Variants in INPP4B observed in about 807,000 individuals in gnomAD.
INPP4B encodes inositol polyphosphate 4-phosphatase type II.
A neutral mutation model predicts 122.5 loss-of-function variants in INPP4B; 55 were observed. The ratio of observed to expected loss-of-function variants is 0.45; its 90% CI spans 0.36 to 0.56. INPP4B has a LOEUF of 0.56. Ranked by LOEUF, INPP4B falls within the 20% of genes least tolerant of loss-of-function variation. The probability of loss-of-function intolerance (pLI) is 0.00; values close to 1 mark genes in which losing one functional copy is unlikely to be tolerated. For missense variants in INPP4B, 1,000 were observed against 1,097.7 expected (o/e 0.91, Z 1.26); for synonymous variants, 403 against 388.7 (o/e 1.04, Z -0.43).
At chr4:142,788,518 C>G (rs1429891800) in intron 1 of INPP4B, among the ~76,000 whole-genome samples, 1 of 152,036 alleles carries the variant, frequency 6.6e-6, no homozygotes, top group Non-Finnish European at 1.5e-5. Context: ...TGTTTGGTTA[C>G]ATGAGTTAGT....
At chr4:142,235,897 A>T (rs1337833530) in intron 12 of INPP4B, among the ~76,000 whole-genome samples, 1 of 152,210 alleles carries the variant, frequency 6.6e-6, no homozygotes, top group Non-Finnish European at 1.5e-5. Flanking sequence ...TCAAAAATTC[A>T]TCTTTTCTTT....
intron 2 of INPP4B, among the ~76,000 whole-genome samples, chr4:142,559,385 TAATGAATCAAGATTCATTAAAA>T (rs565280045): frequency 6.6e-6 from 1 of 152,258 alleles, no homozygotes; most frequent in African/African-American, 2.4e-5. Flanking sequence ...ACCTTGTATT[TAATGAATCAAGATTCATTAAAA>T]AATGAAACTT....
At chr4:142,101,075 G>C (rs1784265272) in intron 23 of INPP4B, among the ~76,000 whole-genome samples, 1 of 152,116 alleles carries the variant, frequency 6.6e-6, no homozygotes, top group Admixed American at 6.6e-5. Context: ...GGGAATCCAG[G>C]CTCAAGATAA....
At chr4:142,727,672 G>A (rs1443943673) in intron 1 of INPP4B, among the ~76,000 whole-genome samples, 1 of 152,116 alleles carries the variant, frequency 6.6e-6, no homozygotes, top group Non-Finnish European at 1.5e-5. Flanking sequence ...CTTGAGCCCA[G>A]GAGTTCAAGA....
At chr4:142,564,871 C>T (rs1405906723) in intron 2 of INPP4B, among the ~76,000 whole-genome samples, 3 of 152,004 alleles carry the variant, frequency 2.0e-5, no homozygotes, top group African/African-American at 7.2e-5. Context: ...ACTGATTTTT[C>T]TTAAATCAGT....
intron 25 of INPP4B, among the ~76,000 whole-genome samples, chr4:142,049,335 G>A (rs1441967815): frequency 6.6e-6 from 1 of 151,826 alleles, no homozygotes; most frequent in Non-Finnish European, 1.5e-5. Flanking sequence ...CATTTGTTTT[G>A]GCTTATAGTT....
intron 1 of INPP4B, among the ~76,000 whole-genome samples, chr4:142,838,284 A>T (rs894799445): frequency 2.0e-5 from 3 of 151,766 alleles, no homozygotes; most frequent in Admixed American, 2.0e-4. Context: ...TTTTTTTCTG[A>T]CTCTTTGGGC....
At chr4:142,222,885 T>C (rs1849953797) in intron 12 of INPP4B, among the ~76,000 whole-genome samples, 1 of 152,206 alleles carries the variant, frequency 6.6e-6, no homozygotes. Flanking sequence ...AACTTTCAGC[T>C]GAAATGCAAA....
At chr4:142,827,896 T>C (rs1781636841) in intron 1 of INPP4B, among the ~76,000 whole-genome samples, 1 of 152,090 alleles carries the variant, frequency 6.6e-6, no homozygotes, top group Admixed American at 6.6e-5. Context: ...ACATAAAGAT[T>C]ATGGTAGTTT....
chr4:142,648,595 G>A (rs555421116), intron 2 of INPP4B, among the ~76,000 whole-genome samples: 5 of 152,304 alleles, frequency 3.3e-5, no homozygotes, highest in African/African-American at 1.2e-4. Context: ...ATGAAACTGC[G>A]AGGCAGCAGC....
At chr4:142,809,435 A>G (rs1255089861) in intron 1 of INPP4B, among the ~76,000 whole-genome samples, 1 of 152,204 alleles carries the variant, frequency 6.6e-6, no homozygotes, top group African/African-American at 2.4e-5. Flanking sequence ...TGTTCTAACA[A>G]GTGTTACAGA....
chr4:142,054,172 C>CT (rs1756223546), intron 25 of INPP4B, among the ~76,000 whole-genome samples: 1 of 152,012 alleles, frequency 6.6e-6, no homozygotes, highest in East Asian at 1.9e-4. Context: ...CTGTCAACCT[C>CT]TGTTAAGTAT....
chr4:142,231,266 C>T (rs1206015226), intron 12 of INPP4B, among the ~76,000 whole-genome samples: 2 of 152,236 alleles, frequency 1.3e-5, no homozygotes, highest in African/African-American at 4.8e-5. Context: ...TCCCTGCCAA[C>T]ATTTCCACTC....
chr4:142,641,365 AC>A (rs1163163975), intron 2 of INPP4B, among the ~76,000 whole-genome samples: 5 of 151,872 alleles, frequency 3.3e-5, no homozygotes, highest in Admixed American at 2.6e-4. Flanking sequence ...GGTGTGCTGC[AC>A]CCATTAACTC....
intron 2 of INPP4B, among the ~76,000 whole-genome samples, chr4:142,660,223 T>A (rs2150580953): frequency 6.6e-6 from 1 of 152,238 alleles, no homozygotes; most frequent in Middle Eastern, 3.4e-3. Context: ...CTGCTTTGCA[T>A]GGCGAGACCT....
At chr4:142,406,546 A>C (rs1285440559) in intron 5 of INPP4B, among the ~76,000 whole-genome samples, 5 of 152,208 alleles carry the variant, frequency 3.3e-5, no homozygotes, top group Non-Finnish European at 1.5e-5. Context: ...GGAACTTCGG[A>C]ATGAAACAGG....
intron 2 of INPP4B, among the ~76,000 whole-genome samples, chr4:142,646,256 T>G (rs1218446583): frequency 2.0e-5 from 3 of 152,076 alleles, no homozygotes; most frequent in Admixed American, 2.0e-4. Flanking sequence ...CACAAGAAAC[T>G]AACACAACTA....
intron 3 of INPP4B, among the ~76,000 whole-genome samples, chr4:142,462,224 C>T (rs998460591): frequency 1.3e-5 from 2 of 152,122 alleles, no homozygotes; most frequent in African/African-American, 4.8e-5. Flanking sequence ...AATATTTTAT[C>T]CCATAGAATT....
chr4:142,055,763 A>G (rs551749885), intron 25 of INPP4B, among the ~76,000 whole-genome samples: 1 of 151,692 alleles, frequency 6.6e-6, no homozygotes, highest in Admixed American at 6.6e-5. Context: ...CAGTCCCCAC[A>G]CTTTTTGGCA....
Sources: gnomAD v4.1 joint callset for allele counts (sites outside exome capture counted in the v4.1 genomes callset) on GRCh38, gnomAD v4.1.1 for gene constraint, MANE v1.5 for transcripts, NCBI Gene and HGNC (gene_info 2026-07-23, HGNC 2026-07-21) for gene names.